Variants in IQSEC1 observed in about 807,000 individuals in gnomAD.
The protein encoded by IQSEC1 is IQ motif and SEC7 domain-containing protein 1.
In IQSEC1, 31 loss-of-function variants were observed where a neutral mutation model predicts 91.0. The ratio of observed to expected loss-of-function variants is 0.34; its 90% confidence interval spans 0.26 to 0.46. The LOEUF is 0.46. Ranked by LOEUF, IQSEC1 falls within the 20% of genes least tolerant of loss-of-function variation. The probability of loss-of-function intolerance (pLI) is 1.00; values close to 1 mark genes in which losing one functional copy is unlikely to be tolerated. For missense variants in IQSEC1, 1,388 were observed against 1,575.6 expected (o/e 0.88, Z 2.02); for synonymous variants, 699 against 662.6 (o/e 1.05, Z -0.84).
At chr3:13,200,637 G>A (rs1480957159) in intron 1 of IQSEC1, among the ~76,000 whole-genome samples, 2 of 152,258 alleles carry the variant, frequency 1.3e-5, no homozygotes, top group African/African-American at 4.8e-5. Flanking sequence ...AAGGCCAAGA[G>A]AGTGGGGAAG....
chr3:13,227,393 A>AAAAAAAAAAAAAAG (rs1055638536), intron 1 of IQSEC1, among the ~76,000 whole-genome samples: 7 of 140,900 alleles, frequency 5.0e-5, no homozygotes, highest in African/African-American at 1.5e-4. Flanking sequence ...AAAAAAAAAA[A>AAAAAAAAAAAAAAG]AAAGAAAGAA....
At chr3:13,184,249 G>C (rs1693894044) in intron 1 of IQSEC1, among the ~76,000 whole-genome samples, 1 of 152,216 alleles carries the variant, frequency 6.6e-6, no homozygotes, top group African/African-American at 2.4e-5. Context: ...GAACATGGAT[G>C]CAAAAATCCT....
intron 1 of IQSEC1, among the ~76,000 whole-genome samples, chr3:13,001,355 G>A (rs1702416793): frequency 6.6e-6 from 1 of 152,162 alleles, no homozygotes; most frequent in African/African-American, 2.4e-5. Context: ...TCCCTATCTG[G>A]AACTCTGCTC....
chr3:13,153,354 G>A (rs1362638759), intron 2 of IQSEC1, among the ~76,000 whole-genome samples: 1 of 152,226 alleles, frequency 6.6e-6, no homozygotes, highest in East Asian at 1.9e-4. Flanking sequence ...CTGGTGAGGG[G>A]TGTAAGAGAC....
At chr3:13,222,658 G>A (rs1694685311) in intron 1 of IQSEC1, among the ~76,000 whole-genome samples, 1 of 152,174 alleles carries the variant, frequency 6.6e-6, no homozygotes, top group Non-Finnish European at 1.5e-5. Flanking sequence ...CGCAGCAGAC[G>A]CTGGGGGCCA....
At chr3:13,049,227 A>G (rs1204708831) in intron 1 of IQSEC1, among the ~76,000 whole-genome samples, 1 of 152,170 alleles carries the variant, frequency 6.6e-6, no homozygotes, top group Non-Finnish European at 1.5e-5. Flanking sequence ...TCAGCTGCAC[A>G]CGAGCCACAT....
intron 2 of IQSEC1, among the ~76,000 whole-genome samples, chr3:13,140,896 C>T (rs1481495722): frequency 3.3e-5 from 5 of 152,150 alleles, no homozygotes; most frequent in Non-Finnish European, 7.3e-5. Context: ...GAAGAGTGTC[C>T]TGCCAGCGCT....
At chr3:13,064,601 C>T (rs1705173785) in intron 1 of IQSEC1, among the ~76,000 whole-genome samples, 1 of 152,220 alleles carries the variant, frequency 6.6e-6, no homozygotes, top group Non-Finnish European at 1.5e-5. Context: ...TGATGTGGTG[C>T]TCTGAATGGT....
chr3:12,921,137 C>A (rs1171345367), intron 5 of IQSEC1, among the ~76,000 whole-genome samples: 1 of 152,076 alleles, frequency 6.6e-6, no homozygotes, highest in East Asian at 1.9e-4. Context: ...AGCCCGCTTG[C>A]CACTCCCGCT....
intron 2 of IQSEC1, among the ~76,000 whole-genome samples, chr3:13,111,216 C>T (rs1440521741): frequency 6.6e-6 from 1 of 152,226 alleles, no homozygotes. Context: ...CCCACCTCCC[C>T]AGTGTGCCCA....
intron 1 of IQSEC1, among the ~76,000 whole-genome samples, chr3:13,055,228 G>A (rs117443841): frequency 1.3e-5 from 2 of 152,368 alleles, no homozygotes; most frequent in East Asian, 3.9e-4. Context: ...CCCTCCTCTG[G>A]GGGCAGATGG....
intron 3 of IQSEC1, among the ~76,000 whole-genome samples, chr3:12,930,043 T>C (rs964608044): frequency 5.9e-5 from 9 of 152,118 alleles, no homozygotes; most frequent in African/African-American, 1.7e-4. Context: ...GTGGGAAGAG[T>C]GAGCTGTGTG....
intron 1 of IQSEC1, among the ~76,000 whole-genome samples, chr3:12,995,684 G>T (rs1452899682): frequency 6.6e-6 from 1 of 152,178 alleles, no homozygotes; most frequent in Non-Finnish European, 1.5e-5. Context: ...AATACCCAAG[G>T]CACTGGTGAC....
intron 2 of IQSEC1, among the ~76,000 whole-genome samples, chr3:13,148,700 C>G (rs541818246): frequency 6.6e-6 from 1 of 152,364 alleles, no homozygotes; most frequent in African/African-American, 2.4e-5. Flanking sequence ...CTGGCCCAGG[C>G]CCTGTCCCTG....
At chr3:13,079,971 CAG>C (rs1440233079) in intron 2 of IQSEC1, among the ~76,000 whole-genome samples, 1 of 152,172 alleles carries the variant, frequency 6.6e-6, no homozygotes, top group East Asian at 1.9e-4. Context: ...GATGTTGAAA[CAG>C]AGTCTTGAAG....
intron 1 of IQSEC1, among the ~76,000 whole-genome samples, chr3:13,025,974 C>T (rs1703597331): frequency 6.6e-6 from 1 of 152,240 alleles, no homozygotes; most frequent in Admixed American, 6.5e-5. Flanking sequence ...GCCAGGAATT[C>T]TGCACATATT....
rs1695384128 is a variant in IQSEC1, at chr3:12,909,711, G to T, written c.2417-277C>A. ...GGCCGCGTCCTGGAGGAGGACAGAG[G>T]TTGCGTCCTGAGAAAGGTGGGAGTC... On this transcript the variant is annotated intron_variant, in intron 10 of 13. Coordinates refer to ENST00000613206, the MANE Select transcript of IQSEC1 (RefSeq NM_001134382.3). This position sits in a 1 kb window ranked among gnomAD's most constrained non-coding sequence, Gnocchi z 4.9. Among the ~76,000 whole-genome samples, 1 of 152,254 alleles carries T rather than the reference G, an allele frequency of 6.6e-6. No homozygotes were observed.
chr3:13,189,832 A>T (rs998119684), intron 1 of IQSEC1, among the ~76,000 whole-genome samples: 8 of 152,196 alleles, frequency 5.3e-5, no homozygotes, highest in Non-Finnish European at 1.2e-4. Context: ...CCTGAGACCC[A>T]TGTGAGCTGT....
chr3:12,974,571 A>T (rs1701066608), intron 1 of IQSEC1, among the ~76,000 whole-genome samples: 1 of 152,204 alleles, frequency 6.6e-6, no homozygotes, highest in Admixed American at 6.5e-5. Flanking sequence ...ATTCAAGTGG[A>T]AGGGAAATGG....
Sources: gnomAD v4.1 joint callset for allele counts (sites outside exome capture counted in the v4.1 genomes callset) on GRCh38, gnomAD v4.1.1 for gene constraint, Gnocchi (gnomAD v3.1) non-coding constraint, MANE v1.5 for transcripts, NCBI Gene and HGNC (gene_info 2026-07-23, HGNC 2026-07-21) for gene names.